The following DACH2 variants were observed in gnomAD, a reference collection of about 807,000 sequenced individuals.
DACH2 encodes dachshund homolog 2.
In DACH2, 17 loss-of-function variants were observed where a neutral mutation model predicts 35.8. The ratio of observed to expected loss-of-function variants is 0.48; its 90% confidence interval spans 0.33 to 0.71. The LOEUF (loss-of-function observed/expected upper bound fraction) is 0.71, where lower values mean the gene tolerates loss of function less well. DACH2 is among the 30% of genes least tolerant of loss of function. The pLI is 0.02. For synonymous variants in DACH2, 195 were observed against 177.3 expected (o/e 1.10, Z -0.79); for missense variants, 469 against 472.7 (o/e 0.99, Z 0.07).
At chrX:86,257,949 G>A (rs963372094) in intron 1 of DACH2, among the ~76,000 whole-genome samples, 37 of 111,015 alleles carry the variant, frequency 3.3e-4, no homozygotes, top group Non-Finnish European at 2.5e-4. Flanking sequence ...GATACAGATC[G>A]GATAGGGTCT....
chrX:86,243,244 C>T (rs745668949), intron 1 of DACH2, among the ~76,000 whole-genome samples: 10 of 111,210 alleles, frequency 9.0e-5, no homozygotes, highest in South Asian at 7.6e-4. Flanking sequence ...AAAAAAAAGT[C>T]GAGAGATCTA....
chrX:86,495,357 C>CT lies in DACH2; in HGVS notation c.528-18909dup, dbSNP rs781757420. Among the ~76,000 whole-genome samples, 641 of 102,031 alleles carry CT rather than the reference C, an allele frequency of 6.3e-3. 3 individuals are homozygous for CT. The highest frequency in any genetic ancestry group is 0.02 in the Middle Eastern group (4 of 202). The allele number at this position is 102,031 out of a possible 115,157, so 88.6% of individuals were successfully genotyped here. A position where few individuals can be genotyped will look rare whatever the true frequency, so the allele number is the denominator to read the frequency against. ...ACAGAGGTGAGCCACTGCATCCAGA[C>CT]TTTTTTTTTTTTTAACTAAGACTTC... On this transcript the variant is annotated intron_variant, in intron 2 of 11. Coordinates refer to ENST00000373125, the MANE Select transcript of DACH2 (RefSeq NM_053281.3).
rs1307650761 is a variant in DACH2, at chrX:86,211,269, C to T, written c.488+62161C>T. Among the ~76,000 whole-genome samples, 3 of 111,456 alleles carry T rather than the reference C, an allele frequency of 2.7e-5. No individual in the cohort carries two copies. In the Admixed American group the frequency reaches 2.9e-4, roughly 11 times the overall value. ...GTTCTTGCTCACACAAAAAGTTTGC[C>T]GCTCTGATTTTTTGCTTATAAATTA... On this transcript the variant is annotated intron_variant, in intron 1 of 11. Coordinates refer to ENST00000373125, the MANE Select transcript of DACH2 (RefSeq NM_053281.3).
intron 1 of DACH2, among the ~76,000 whole-genome samples, chrX:86,176,973 T>C (rs1382093482): frequency 9.0e-6 from 1 of 111,583 alleles, no homozygotes; most frequent in Non-Finnish European, 1.9e-5. Flanking sequence ...ATTACTATTT[T>C]AAAGTTTTTG....
chrX:86,473,196 ATAAT>A (rs1194366088), intron 2 of DACH2, among the ~76,000 whole-genome samples: 3 of 111,209 alleles, frequency 2.7e-5, no homozygotes, highest in Non-Finnish European at 5.7e-5. Flanking sequence ...TTTAATATGT[ATAAT>A]TAAATTATTT....
chrX:86,372,934 T>G (rs982540296), intron 1 of DACH2, among the ~76,000 whole-genome samples: 4 of 111,519 alleles, frequency 3.6e-5, no homozygotes, highest in African/African-American at 1.3e-4. Context: ...TATATGGTTT[T>G]CCATCCCTGT....
At chrX:86,670,907 C>T (rs1385263300) in intron 4 of DACH2, among the ~76,000 whole-genome samples, 4 of 111,841 alleles carry the variant, frequency 3.6e-5, no homozygotes, top group African/African-American at 1.3e-4. Flanking sequence ...TAGTGAGGCT[C>T]TATTGTCTTT....
chrX:86,660,851 T>G (rs1026643332), intron 4 of DACH2, among the ~76,000 whole-genome samples: 9 of 111,595 alleles, frequency 8.1e-5, no homozygotes, highest in Non-Finnish European at 1.7e-4. Context: ...AAAGGCAGTT[T>G]AATAAGCATA....
At chrX:86,210,256 C>T (rs1368655163) in intron 1 of DACH2, among the ~76,000 whole-genome samples, 1 of 111,362 alleles carries the variant, frequency 9.0e-6, no homozygotes, top group Non-Finnish European at 1.9e-5. Context: ...ATTAAAAATG[C>T]CCATTTTGTT....
intron 2 of DACH2, among the ~76,000 whole-genome samples, chrX:86,504,477 C>T (rs951150915): frequency 9.8e-6 from 1 of 101,706 alleles, no homozygotes; most frequent in Non-Finnish European, 2.0e-5. Context: ...AAAAATAGAT[C>T]TTATTTATTT....
chrX:86,714,585 A>T lies in DACH2; in HGVS notation c.969A>T (p.Leu323=). 1 of 1,207,268 alleles carries T rather than the reference A, an allele frequency of 8.3e-7. No individual in the cohort carries two copies. Among genetic ancestry groups the T allele is most frequent in the Non-Finnish European group, 1.1e-6 (1 of 892,459 alleles). ...DLPFMMMPHP[L]LPVSLPPASV... ...CATTTATGATGATGCCTCATCCCCT[A>T]CTTCCAGTCAGCTTACCTCCTGCAT... The change falls in exon 6 of 12, where the codon CTA becomes CTT. Residue 323 remains leucine (L), a synonymous_variant. Coordinates refer to ENST00000373125, the MANE Select transcript of DACH2 (RefSeq NM_053281.3).
At chrX:86,389,604 G>A (rs2036170142) in intron 2 of DACH2, among the ~76,000 whole-genome samples, 1 of 112,004 alleles carries the variant, frequency 8.9e-6, no homozygotes, top group South Asian at 3.7e-4. Context: ...ACAGGAGAGT[G>A]CCTCTTTAAA....
intron 2 of DACH2, among the ~76,000 whole-genome samples, chrX:86,387,992 C>G (rs1057319774): frequency 1.8e-5 from 2 of 112,576 alleles, no homozygotes; most frequent in African/African-American, 3.2e-5. Flanking sequence ...CAGCCAATGG[C>G]TGGCTGCATT....
chrX:86,501,971 G>T (rs553321756), intron 2 of DACH2, among the ~76,000 whole-genome samples: 73 of 110,011 alleles, frequency 6.6e-4, no homozygotes, highest in African/African-American at 2.3e-3. Context: ...ACAGTACAAA[G>T]TATCCTGGCA....
At chrX:86,311,013 A>G (rs2034789238) in intron 1 of DACH2, among the ~76,000 whole-genome samples, 1 of 111,441 alleles carries the variant, frequency 9.0e-6, no homozygotes. Flanking sequence ...TGACCTTGCT[A>G]TGGCCACTGC....
intron 2 of DACH2, among the ~76,000 whole-genome samples, chrX:86,479,448 G>T (rs961994276): frequency 1.8e-5 from 2 of 111,079 alleles, no homozygotes; most frequent in African/African-American, 6.6e-5. Flanking sequence ...AGTTCCTTGA[G>T]GTAGTCTTTT....
At chrX:86,583,165 C>T (rs998501611) in intron 3 of DACH2, among the ~76,000 whole-genome samples, 1 of 111,422 alleles carries the variant, frequency 9.0e-6, no homozygotes, top group Non-Finnish European at 1.9e-5. Flanking sequence ...ATTCAACATT[C>T]CTTCATGTTA....
At chrX:86,308,170 C>A (rs947066763) in intron 1 of DACH2, among the ~76,000 whole-genome samples, 10 of 112,210 alleles carry the variant, frequency 8.9e-5, no homozygotes, top group African/African-American at 3.2e-4. Flanking sequence ...TTGACCCATG[C>A]CTTGTGAAAT....
At chrX:86,347,159 A>G (rs1023041917) in intron 1 of DACH2, among the ~76,000 whole-genome samples, 1 of 112,254 alleles carries the variant, frequency 8.9e-6, no homozygotes, top group Non-Finnish European at 1.9e-5. Flanking sequence ...AGAAATTCTA[A>G]CTATTGAAAT....
Sources: allele counts gnomAD v4.1 joint callset (sites outside exome capture counted in the v4.1 genomes callset), GRCh38; gene constraint gnomAD v4.1.1; transcripts MANE v1.5; gene names NCBI Gene and HGNC (gene_info 2026-07-23, HGNC 2026-07-21).